SNAPC4: variants seen among roughly 807,000 people sequenced by gnomAD.
SNAPC4 encodes the protein snRNA-activating protein complex subunit 4.
In SNAPC4, 127 loss-of-function variants were observed where a neutral mutation model predicts 151.3. The observed-to-expected ratio is 0.84, with a 90% CI of 0.73 to 0.97. The LOEUF (loss-of-function observed/expected upper bound fraction) is 0.97, where lower values mean the gene tolerates loss of function less well. Among genes scored for constraint, SNAPC4 ranks in the 50% least tolerant of loss-of-function variants. SNAPC4 has a pLI of 0.00. For missense variants in SNAPC4, 2,186 were observed against 1,935.0 expected (o/e 1.13, Z -2.43); for synonymous variants, 1,002 against 824.4 (o/e 1.22, Z -3.69).
At chr9:136,388,648 C>A in intron 10 of SNAPC4, 57 bp from the exon 11 acceptor site, 2 of 1,607,176 alleles carry the variant, frequency 1.2e-6, no homozygotes, top group Non-Finnish European at 1.7e-6. Flanking sequence ...ATGTCCAGAT[C>A]TGGCTCTGAG....
intron 14 of SNAPC4, among the ~76,000 whole-genome samples, chr9:136,384,502 C>T (rs528893003): frequency 3.3e-4 from 50 of 152,074 alleles, no homozygotes; most frequent in Non-Finnish European, 6.2e-4. Flanking sequence ...ACACTCAGCT[C>T]GTCGGGTGTG....
intron 3 of SNAPC4, among the ~76,000 whole-genome samples, chr9:136,396,452 C>T (rs1423003019): frequency 5.9e-5 from 9 of 152,294 alleles, no homozygotes; most frequent in African/African-American, 2.2e-4. Context: ...GGTCTCACTC[C>T]ATCACCCAGG....
intron 14 of SNAPC4, among the ~76,000 whole-genome samples, chr9:136,384,314 C>A (rs572953291): frequency 6.6e-6 from 1 of 152,174 alleles, no homozygotes; most frequent in Non-Finnish European, 1.5e-5. Context: ...CCCAGGCTTC[C>A]GCACCAGCCA....
In SNAPC4 at chr9:136,383,868, TC is replaced by T. The variant is rs377441979; in HGVS notation, c.1500+84del. On this transcript the variant is annotated intron_variant, in intron 15 of 23. Coordinates refer to ENST00000684778, the MANE Select transcript of SNAPC4 (RefSeq NM_003086.4). This position sits in a 1 kb window ranked among gnomAD's most constrained non-coding sequence, Gnocchi z 4.2. The stretch of plus-strand genomic sequence containing the variant: ...CAAGACCAGAAACCGAACGCCCCCC[TC>T]CCCTCCCCTCCTCCTGCCTGCTGGA... The T allele has an allele frequency of 3.2e-5, 28 of 882,298 alleles. No individual in the cohort carries two copies. The African/African-American group carries it at 4.0e-4, about 13-fold the overall frequency. The allele number at this position is 882,298 out of a possible 1,614,324, so 54.7% of individuals were successfully genotyped here.
intron 7 of SNAPC4, among the ~76,000 whole-genome samples, chr9:136,393,449 G>C (rs995675867): frequency 7.9e-5 from 12 of 152,052 alleles, no homozygotes. Flanking sequence ...CTGGGCTCTG[G>C]GAGCAGCTCT....
chr9:136,378,713 A>AG lies in SNAPC4; in HGVS notation c.3113dup (p.Glu1039Ter). On this transcript the variant is annotated frameshift_variant, in exon 22 of 24. Coordinates refer to ENST00000684778, the MANE Select transcript of SNAPC4 (RefSeq NM_003086.4). LOFTEE classifies it high-confidence loss of function. Reference sequence around the variant, plus strand: ...CTGCGGGGAGAAAGGGTGGCGCCTCAGGCAGGCCCTGCTTCCGGGATGCAG... The same window carrying AG: ...CTGCGGGGAGAAAGGGTGGCGCCTCAGGGCAGGCCCTGCTTCCGGGATGCAG... The AG allele has an allele frequency of 6.7e-7, 1 of 1,500,048 alleles. No individual in the cohort carries two copies. Among genetic ancestry groups the AG allele is most frequent in the South Asian group, 1.3e-5 (1 of 74,090 alleles). 92.9% of individuals were successfully genotyped at this position (1,500,048 alleles called of 1,614,324 possible). A position where few individuals can be genotyped will look rare whatever the true frequency, so the allele number is the denominator to read the frequency against.
chr9:136,393,754 C>A (rs144372917), intron 7 of SNAPC4, among the ~76,000 whole-genome samples: 1,706 of 152,360 alleles, frequency 0.011, 20 homozygotes, highest in Non-Finnish European at 0.013. Context: ...GCCGCCCGCC[C>A]GGCCATGGGG....
At chr9:136,391,353 C>T (rs955746817) in intron 10 of SNAPC4, among the ~76,000 whole-genome samples, 1 of 152,064 alleles carries the variant, frequency 6.6e-6, no homozygotes, top group Non-Finnish European at 1.5e-5. Flanking sequence ...GATAAAGAAC[C>T]ACCACAAGAA....
chr9:136,385,680 C>T (rs769769888), intron 13 of SNAPC4, among the ~76,000 whole-genome samples: 16 of 152,040 alleles, frequency 1.1e-4, no homozygotes, highest in Non-Finnish European at 1.8e-4. Context: ...CTCAGCCTCC[C>T]GAGTAGCTGG....
Position 136,379,857 on chromosome 9 carries a change from G to A in SNAPC4, c.2507C>T (p.Ser836Leu). 1.9e-6 allele frequency: 3 copies of A among 1,613,188 alleles called. No homozygotes were observed. Among genetic ancestry groups the A allele is most frequent in the Non-Finnish European group, 2.5e-6 (3 of 1,179,650 alleles). The stretch of plus-strand genomic sequence containing the variant: ...GTTACCTGGGGTGCTCTGGGCACTT[G>A]AGGATGCCTGGAAATGAAAGAGAGG... ...DPPVHLLQASSSAQSTPGHLF... is the reference protein window; with the variant it reads ...DPPVHLLQASLSAQSTPGHLF... The change falls in exon 21 of 24, where the codon TCA (serine) becomes TTA (leucine). Residue 836 changes from serine (S) to leucine (L), a missense_variant. Physicochemically the swap from Ser to Leu is moderately radical, Grantham distance 145 (BLOSUM62 -2). Transcript: ENST00000684778.
rs750664429 is a variant in SNAPC4 at position 136,378,441 on chromosome 9, G to A, written c.3386C>T (p.Ala1129Val). 4.4e-5 allele frequency: 70 copies of A among 1,593,638 alleles called. No homozygotes were observed. The highest frequency in any genetic ancestry group is 5.8e-5 in the Non-Finnish European group (68 of 1,173,366). Residue 1129 changes from alanine (A) to valine (V), a missense_variant, in exon 22 of 24, where the codon GCG becomes GTG. By Grantham distance (64) the Ala-to-Val change is moderately conservative. Coordinates refer to ENST00000684778, the MANE Select transcript of SNAPC4 (RefSeq NM_003086.4). ...TGGGGGCTGCCAAGAGCTGCTCAAC[G>A]CTGGGGCCCTGGGGCCCTGGGCCGC... ...TRAAQGPRAP[A>V]LSSSWQPPAN...
At position 136,383,874 on chromosome 9, in the gene SNAPC4, C is replaced by T; in HGVS notation, c.1500+79G>A. 1.5e-6 allele frequency: 2 copies of T among 1,364,144 alleles called. No individual in the cohort carries two copies. Among genetic ancestry groups the T allele is most frequent in the Non-Finnish European group, 2.1e-6 (2 of 959,200 alleles). The allele number at this position is 1,364,144 out of a possible 1,614,324, so 84.5% of individuals were successfully genotyped here. ...CAGAAACCGAACGCCCCCCTCCCCTCCCCTCCTCCTGCCTGCTGGACCCCC... is the reference window on the plus strand; with the variant it reads ...CAGAAACCGAACGCCCCCCTCCCCTTCCCTCCTCCTGCCTGCTGGACCCCC... On this transcript the variant is annotated intron_variant, in intron 15 of 23. Coordinates refer to ENST00000684778, the MANE Select transcript of SNAPC4 (RefSeq NM_003086.4). The surrounding 1 kb of genome is among the most constrained non-coding windows in gnomAD (Gnocchi z 4.2).
Position 136,379,065 on chromosome 9 carries a change from A to G in SNAPC4, c.2762T>C (p.Leu921Pro), listed in dbSNP as rs767567539. The G allele has an allele frequency of 5.7e-6, 9 of 1,583,478 alleles. No homozygotes were observed. The highest frequency in any genetic ancestry group is 7.7e-6 in the Non-Finnish European group (9 of 1,165,612). Residue 921 changes from leucine (L) to proline (P), a missense_variant, in exon 22 of 24, where the codon CTG becomes CCG. Physicochemically the swap from Leu to Pro is moderately conservative, Grantham distance 98 (BLOSUM62 -3). Coordinates refer to ENST00000684778, the MANE Select transcript of SNAPC4 (RefSeq NM_003086.4). ...GAGGATCACAGACGAGGAGACCAGC[A>G]GCTGGGACGGGAGCACCACCGGGCC... The part of the protein sequence containing the change: ...TRGPVVLPSQ[L>P]LVSSSVILQP...
intron 21 of SNAPC4, 55 bp downstream of exon 21, chr9:136,379,781 TC>T: frequency 4.5e-6 from 7 of 1,567,144 alleles, no homozygotes; most frequent in Non-Finnish European, 4.4e-6. Flanking sequence ...TTAGGCCTCT[TC>T]CCCGCCAGGG....
At chr9:136,395,580 C>T (rs764177934) in intron 4 of SNAPC4, 23 bp downstream of exon 4, 31 of 1,571,302 alleles carry the variant, frequency 2.0e-5, no homozygotes, top group African/African-American at 4.1e-5. Context: ...GTGTGGGCAC[C>T]GGGGGGCCGA....
intron 3 of SNAPC4, among the ~76,000 whole-genome samples, chr9:136,396,091 C>G (rs574037313): frequency 2.0e-5 from 3 of 152,352 alleles, no homozygotes; most frequent in Admixed American, 1.3e-4. Context: ...CCTGTGAACC[C>G]TGAACTCTGT....
intron 10 of SNAPC4, among the ~76,000 whole-genome samples, chr9:136,391,593 A>T (rs1834075904): frequency 6.6e-6 from 1 of 152,266 alleles, no homozygotes; most frequent in Admixed American, 6.5e-5. Context: ...GCAAGAACTC[A>T]CACGAGGAAA....
At position 136,382,014 on chromosome 9, in the gene SNAPC4, G is replaced by A. The variant is rs1056692421; in HGVS notation, c.2127C>T (p.Asp709=). ...PTSSPGVSSG[D]SVARSHVQWL... is the part of the protein sequence containing the mutation. ...ACTGCACATGGGATCGGGCCACGCT[G>A]TCACCAGAGCTGACCCCTGGGGATG... The change falls in exon 18 of 24, where the codon GAC becomes GAT. Residue 709 remains aspartate, a synonymous_variant. Coordinates refer to ENST00000684778, the MANE Select transcript of SNAPC4 (RefSeq NM_003086.4). The A allele has an allele frequency of 6.2e-7, 1 of 1,608,674 alleles. No homozygotes were observed. The highest frequency in any genetic ancestry group is 8.5e-7 in the Non-Finnish European group (1 of 1,178,704).
chr9:136,383,848 C>T lies in SNAPC4; in HGVS notation c.1500+105G>A, dbSNP rs1833798125. The T allele has an allele frequency of 7.5e-7, 1 of 1,340,666 alleles. No individual in the cohort carries two copies. Among genetic ancestry groups the T allele is most frequent in the East Asian group, 2.4e-5 (1 of 42,460 alleles). The allele number at this position is 1,340,666 out of a possible 1,614,324, so 83.0% of individuals were successfully genotyped here. ...CCACCCAGAAGAAGAAATGCCAAGACCAGAAACCGAACGCCCCCCTCCCCT... is the reference window on the plus strand; with the variant it reads ...CCACCCAGAAGAAGAAATGCCAAGATCAGAAACCGAACGCCCCCCTCCCCT... On this transcript the variant is annotated intron_variant, in intron 15 of 23. Coordinates refer to ENST00000684778, the MANE Select transcript of SNAPC4 (RefSeq NM_003086.4). The surrounding 1 kb of genome is among the most constrained non-coding windows in gnomAD (Gnocchi z 4.2).
Sources: allele counts gnomAD v4.1 joint callset (sites outside exome capture counted in the v4.1 genomes callset), GRCh38; gene constraint gnomAD v4.1.1; non-coding constraint Gnocchi (gnomAD v3.1); transcripts MANE v1.5; gene names NCBI Gene and HGNC (gene_info 2026-07-23, HGNC 2026-07-21).